Variants in AUTS2 observed in about 807,000 individuals in gnomAD.
AUTS2 encodes activator of transcription and developmental regulator AUTS2, also known as autism susceptibility gene 2 protein.
AUTS2 carries 17 observed loss-of-function variants against 112.4 expected under a neutral mutation model. The ratio of observed to expected loss-of-function variants is 0.15; its 90% CI spans 0.10 to 0.23. The LOEUF (loss-of-function observed/expected upper bound fraction) is 0.23, where lower values mean the gene tolerates loss of function less well. Ranked by LOEUF, AUTS2 falls within the 10% of genes least tolerant of loss-of-function variation. The pLI, the probability that AUTS2 is intolerant of heterozygous loss-of-function variation, is 1.00. For missense variants in AUTS2, 1,510 were observed against 1,701.6 expected (o/e 0.89, Z 1.98); for synonymous variants, 751 against 702.7 (o/e 1.07, Z -1.09).
chr7:70,494,668 CT>C (rs1191153136), intron 5 of AUTS2, among the ~76,000 whole-genome samples: 2 of 152,076 alleles, frequency 1.3e-5, no homozygotes, highest in Admixed American at 1.3e-4. Flanking sequence ...AGAGAACAGA[CT>C]GGAGACTGCT....
intron 5 of AUTS2, among the ~76,000 whole-genome samples, chr7:70,544,905 C>A (rs193124339): frequency 3.6e-4 from 55 of 152,182 alleles, no homozygotes; most frequent in African/African-American, 1.1e-3. Context: ...ATGCTGTGTA[C>A]TGAAGGGACT....
chr7:70,131,849 CT>C lies in AUTS2; in HGVS notation c.625-2684del, dbSNP rs557822395. ...TGGCTGGTAACTTCTGTTACCAATA[CT>C]TTAATGGTGGGGTCCTGTTGGTGAC... On this transcript the variant is annotated intron_variant, in intron 3 of 18. Transcript: ENST00000342771. Among the ~76,000 whole-genome samples the C allele has an allele frequency of 2.9e-3, 444 of 152,092 alleles. 5 individuals carry two copies. Among genetic ancestry groups the C allele is most frequent in the African/African-American group, 0.01 (431 of 41,494 alleles).
At chr7:70,527,985 C>T (rs35886211) in intron 5 of AUTS2, among the ~76,000 whole-genome samples, 12,131 of 151,986 alleles carry the variant, frequency 0.08, 573 homozygotes, top group African/African-American at 0.12. Context: ...ACTCCTAACA[C>T]ACCTGCTTTA....
Position 70,642,753 on chromosome 7 carries a change from G to A in AUTS2, c.691-55816G>A, listed in dbSNP as rs539941538. Among the ~76,000 whole-genome samples the A allele has an allele frequency of 8.0e-5, 12 of 149,504 alleles. 1 individual carries two copies. In the South Asian group the frequency reaches 2.2e-3, roughly 27 times the overall value. The stretch of plus-strand genomic sequence containing the variant: ...CATCCTCCTCAGTGACTTCTCTTCT[G>A]TCTTCTAAGCTCTCTCGCTGTCAGC... On this transcript the variant is annotated intron_variant, in intron 5 of 18. Coordinates refer to ENST00000342771, the MANE Select transcript of AUTS2 (RefSeq NM_015570.4).
intron 2 of AUTS2, among the ~76,000 whole-genome samples, chr7:69,914,328 CACACACAGACACAG>C (rs1377221092): frequency 7.7e-5 from 11 of 142,848 alleles, no homozygotes; most frequent in African/African-American, 3.0e-4. Context: ...AAAAAAAGCA[CACACACAGACACAG>C]ACACACACAC....
chr7:70,506,629 C>T (rs1030227488), intron 5 of AUTS2, among the ~76,000 whole-genome samples: 1 of 152,156 alleles, frequency 6.6e-6, no homozygotes, highest in Non-Finnish European at 1.5e-5. Flanking sequence ...ACGTGCTCCG[C>T]GCCCAGCGTA....
In AUTS2 at chr7:70,764,926, C is replaced by T. The variant is rs760653347; in HGVS notation, c.1389C>T (p.Pro463=). 99 of 1,612,456 alleles carry T rather than the reference C, an allele frequency of 6.1e-5. No homozygotes were observed. The Admixed American group carries it at 1.6e-3, about 27-fold the overall frequency. ...HSHHPNMFAP[P]TALPPPPPLT... is the part of the protein sequence containing the mutation. ...ATCACCCCAATATGTTTGCCCCTCC[C>T]ACTGCTCTGCCTCCTCCACCACCAC... The change falls in exon 8 of 19, where the codon CCC becomes CCT. Residue 463 remains proline, a synonymous_variant. Transcript: ENST00000342771.
intron 2 of AUTS2, among the ~76,000 whole-genome samples, chr7:70,105,868 A>G (rs768676712): frequency 1.1e-4 from 17 of 152,134 alleles, no homozygotes; most frequent in Non-Finnish European, 2.2e-4. Context: ...TGGGGGCCCT[A>G]GTATTTGTCT....
In AUTS2 at chr7:70,327,074, C is replaced by T. The variant is rs911355942; in HGVS notation, c.661-108678C>T. Among the ~76,000 whole-genome samples the T allele has an allele frequency of 5.9e-5, 9 of 152,058 alleles. No homozygotes were observed. In the South Asian group the frequency reaches 8.3e-4, roughly 14 times the overall value. On this transcript the variant is annotated intron_variant, in intron 4 of 18. Transcript: ENST00000342771. ...CTGGGATTACAGGTGCCTGCCACTG[C>T]GCCTGGCTAATTTTTATATTTTTAG... is the stretch of plus-strand genomic sequence containing the variant.
chr7:70,004,967 G>T (rs1485805026), intron 2 of AUTS2, among the ~76,000 whole-genome samples: 2 of 151,884 alleles, frequency 1.3e-5, no homozygotes, highest in African/African-American at 4.8e-5. Flanking sequence ...TGGGATTACA[G>T]GCACCTACCA....
At chr7:70,056,717 A>G (rs569741224) in intron 2 of AUTS2, among the ~76,000 whole-genome samples, 2 of 152,330 alleles carry the variant, frequency 1.3e-5, no homozygotes, top group South Asian at 4.1e-4. Flanking sequence ...TTTCAAAGGC[A>G]GGATTGGCAA....
At chr7:70,457,670 G>A (rs1051661966) in intron 5 of AUTS2, among the ~76,000 whole-genome samples, 3 of 152,140 alleles carry the variant, frequency 2.0e-5, no homozygotes, top group Non-Finnish European at 4.4e-5. Flanking sequence ...TGGAGGGAGT[G>A]GAATTTACCA....
chr7:70,660,470 G>A (rs1295161554), intron 5 of AUTS2, among the ~76,000 whole-genome samples: 1 of 152,228 alleles, frequency 6.6e-6, no homozygotes, highest in East Asian at 1.9e-4. Flanking sequence ...ATAATCAGAT[G>A]TTTCATTTAC....
At chr7:70,100,722 A>T (rs1804442256) in intron 2 of AUTS2, among the ~76,000 whole-genome samples, 1 of 152,040 alleles carries the variant, frequency 6.6e-6, no homozygotes, top group African/African-American at 2.4e-5. Flanking sequence ...AAAACATTTA[A>T]ATTTAGGTAG....
intron 4 of AUTS2, among the ~76,000 whole-genome samples, chr7:70,181,149 C>T (rs1337787532): frequency 2.0e-5 from 3 of 152,230 alleles, no homozygotes; most frequent in Non-Finnish European, 4.4e-5. Context: ...TCTTCCACTA[C>T]TGCATAGTAT....
intron 5 of AUTS2, among the ~76,000 whole-genome samples, chr7:70,619,570 A>T (rs1248979443): frequency 6.6e-6 from 1 of 151,706 alleles, no homozygotes; most frequent in East Asian, 1.9e-4. Context: ...GTATTAAAAA[A>T]AAAAAACAGC....
intron 1 of AUTS2, among the ~76,000 whole-genome samples, chr7:69,808,958 T>G (rs1790426067): frequency 6.6e-6 from 1 of 152,148 alleles, no homozygotes; most frequent in African/African-American, 2.4e-5. Context: ...CTTTTGATGT[T>G]AAATGACAGA....
chr7:70,651,725 G>A (rs1043888128), intron 5 of AUTS2, among the ~76,000 whole-genome samples: 5 of 152,136 alleles, frequency 3.3e-5, no homozygotes, highest in African/African-American at 4.8e-5. Context: ...CTGAGCCATC[G>A]GAAGTTAGGG....
At chr7:70,652,192 C>G (rs1402519254) in intron 5 of AUTS2, among the ~76,000 whole-genome samples, 2 of 152,124 alleles carry the variant, frequency 1.3e-5, no homozygotes, top group Non-Finnish European at 2.9e-5. Flanking sequence ...AACCAATACA[C>G]CAAACCACCT....
Sources: allele counts gnomAD v4.1 joint callset (sites outside exome capture counted in the v4.1 genomes callset), GRCh38; gene constraint gnomAD v4.1.1; transcripts MANE v1.5; gene names NCBI Gene and HGNC (gene_info 2026-07-23, HGNC 2026-07-21).